Variants in PCGF3 observed in about 807,000 individuals in gnomAD.
The protein encoded by PCGF3 is polycomb group RING finger protein 3.
In PCGF3, 7 loss-of-function variants were observed where a neutral mutation model predicts 33.1. The ratio of observed to expected loss-of-function variants is 0.21; its 90% CI spans 0.12 to 0.40. The LOEUF (loss-of-function observed/expected upper bound fraction) is 0.40, where lower values mean the gene tolerates loss of function less well. Among genes scored for constraint, PCGF3 ranks in the 10% least tolerant of loss-of-function variants. The pLI, the probability that PCGF3 is intolerant of heterozygous loss-of-function variation, is 1.00. For missense variants in PCGF3, 211 were observed against 313.3 expected (o/e 0.67, Z 2.46); for synonymous variants, 153 against 121.3 (o/e 1.26, Z -1.72).
intron 1 of PCGF3, among the ~76,000 whole-genome samples, chr4:718,406 T>C (rs752138900): frequency 1.3e-4 from 20 of 152,150 alleles, no homozygotes; most frequent in Non-Finnish European, 1.8e-4. Context: ...CTGAGGCTGG[T>C]AGTGACTCTC....
At chr4:761,627 A>G (rs1165709804) in intron 9 of PCGF3, 3 of 973,604 alleles carry the variant, frequency 3.1e-6, no homozygotes, top group African/African-American at 3.5e-5. Flanking sequence ...GTGGAATGCT[A>G]CTGTGAGTGG....
intron 1 of PCGF3, among the ~76,000 whole-genome samples, chr4:719,116 G>A (rs372371166): frequency 6.6e-6 from 1 of 151,918 alleles, no homozygotes; most frequent in African/African-American, 2.4e-5. Context: ...CACCATGCCC[G>A]GCTATTTTTT....
At chr4:749,590 G>A (rs1744424104) in intron 8 of PCGF3, among the ~76,000 whole-genome samples, 1 of 143,404 alleles carries the variant, frequency 7.0e-6, no homozygotes, top group Non-Finnish European at 1.5e-5. Flanking sequence ...GGGTTCAAGC[G>A]ATTCTCCTGC....
intron 8 of PCGF3, among the ~76,000 whole-genome samples, chr4:751,950 G>C (rs1240999476): frequency 6.6e-6 from 1 of 152,266 alleles, no homozygotes; most frequent in Non-Finnish European, 1.5e-5. Flanking sequence ...CCTGGGACTG[G>C]TGGCTCCTCT....
Position 720,180 on chromosome 4 carries a change from C to T in PCGF3, c.-189-10450C>T, listed in dbSNP as rs765078875. Among the ~76,000 whole-genome samples the T allele has an allele frequency of 1.3e-5, 2 of 152,166 alleles. No individual in the cohort carries two copies. The highest frequency in any genetic ancestry group is 2.4e-5 in the African/African-American group (1 of 41,436). ...GAGGACGCCGATGTGGCCCTGCTGC[C>T]GGAGTATGCCAAGCACGAGGGGCCA... On this transcript the variant is annotated intron_variant, in intron 1 of 10. Transcript: ENST00000362003. The surrounding 1 kb of genome is among the most constrained non-coding windows in gnomAD (Gnocchi z 5.6).
At chr4:756,282 G>A (rs575693696) in intron 8 of PCGF3, among the ~76,000 whole-genome samples, 51 of 150,052 alleles carry the variant, frequency 3.4e-4, no homozygotes, top group African/African-American at 1.2e-3. Context: ...GTGCAATCTC[G>A]GCTCACTGCA....
At chr4:712,740 C>T (rs1355240819) in intron 1 of PCGF3, among the ~76,000 whole-genome samples, 2 of 152,236 alleles carry the variant, frequency 1.3e-5, no homozygotes, top group Non-Finnish European at 2.9e-5. Flanking sequence ...GCCACCGCGC[C>T]CGGCCAATAA....
Position 720,415 on chromosome 4 carries a change from C to T in PCGF3, c.-189-10215C>T, listed in dbSNP as rs904654188. Among the ~76,000 whole-genome samples the T allele has an allele frequency of 2.0e-5, 3 of 152,102 alleles. No homozygotes were observed. Among genetic ancestry groups the T allele is most frequent in the African/African-American group, 7.2e-5 (3 of 41,418 alleles). ...GAGAGCAGCAGAGTGGTTTCAGCTC[C>T]GGGAGGTGGGGCTGCCCGTCCAGAG... On this transcript the variant is annotated intron_variant, in intron 1 of 10. Coordinates refer to ENST00000362003, the Ensembl canonical transcript of PCGF3. The surrounding 1 kb of genome is among the most constrained non-coding windows in gnomAD (Gnocchi z 5.6).
At chr4:754,169 A>G (rs747806172) in intron 8 of PCGF3, among the ~76,000 whole-genome samples, 3 of 152,114 alleles carry the variant, frequency 2.0e-5, no homozygotes, top group Non-Finnish European at 4.4e-5. Context: ...AAACAGGGGA[A>G]ATGGCTCCTA....
chr4:753,237 A>G (rs1339412618), intron 8 of PCGF3, among the ~76,000 whole-genome samples: 2 of 152,236 alleles, frequency 1.3e-5, no homozygotes, highest in Non-Finnish European at 2.9e-5. Context: ...AGGCTGGAGT[A>G]TAGTGGTGCA....
At chr4:768,006 A>T (rs1745454479) in exon 11 of PCGF3, 1 of 152,712 alleles carries the variant, frequency 6.5e-6, no homozygotes, top group African/African-American at 2.4e-5. Context: ...AATTCAAATA[A>T]AATTAAATCA....
rs373858627 is a variant in PCGF3, at chr4:732,117, G to C, written c.-10+1007G>C. On this transcript the variant is annotated intron_variant, in intron 3 of 10. Transcript: ENST00000362003. The stretch of plus-strand genomic sequence containing the variant: ...GGCTCCCCTCCCCTCGTGGGTGGGC[G>C]TGGTCCTCAGGGGCGTAGGGCGGGG... 1.1e-4 allele frequency among the ~76,000 whole-genome samples: 5 copies of C among 45,986 alleles called. 1 individual carries two copies. Among genetic ancestry groups the C allele is most frequent in the South Asian group, 1.4e-3 (1 of 740 alleles). The allele number at this position is 45,986 out of a possible 152,430, so 30.2% of individuals were successfully genotyped here.
At chr4:754,468 A>G (rs1244083634) in intron 8 of PCGF3, among the ~76,000 whole-genome samples, 1 of 152,148 alleles carries the variant, frequency 6.6e-6, no homozygotes, top group Non-Finnish European at 1.5e-5. Context: ...CGGAGAGCCC[A>G]CCCATCCAGG....
Position 722,313 on chromosome 4 carries a change from T to C in PCGF3, c.-189-8317T>C, listed in dbSNP as rs188409329. The C allele has an allele frequency of 8.4e-4, 149 of 177,502 alleles. 1 individual carries two copies. In the East Asian group the frequency reaches 0.024, roughly 29 times the overall value. The allele number at this position is 177,502 out of a possible 1,614,324, so 11.0% of individuals were successfully genotyped here. A position where few individuals can be genotyped will look rare whatever the true frequency, so the allele number is the denominator to read the frequency against. Reference sequence around the variant, plus strand: ...GAAGCTACTGTGTTATCCAGACGGCTGTGTGCTGCAGGCGCGACTCAGAAC... The same window carrying C: ...GAAGCTACTGTGTTATCCAGACGGCCGTGTGCTGCAGGCGCGACTCAGAAC... On this transcript the variant is annotated intron_variant, in intron 1 of 10. Coordinates refer to ENST00000362003, the Ensembl canonical transcript of PCGF3.
chr4:748,057 A>T (rs1744342564), intron 8 of PCGF3, among the ~76,000 whole-genome samples: 1 of 152,136 alleles, frequency 6.6e-6, no homozygotes, highest in Non-Finnish European at 1.5e-5. Flanking sequence ...AAAGCCTGGC[A>T]GTGTGTTGAA....
rs536878127 is a variant in PCGF3, at chr4:712,638, G to A, written c.-190+6668G>A. Among the ~76,000 whole-genome samples the A allele has an allele frequency of 2.6e-5, 4 of 152,192 alleles. No homozygotes were observed. In the South Asian group the frequency reaches 8.3e-4, roughly 32 times the overall value. ...AGTTTTTGTATTTTTAGTAGAGATG[G>A]GGTTTTGCCATGTTGGCCAGGCTGG... On this transcript the variant is annotated intron_variant, in intron 1 of 10. Coordinates refer to ENST00000362003, the Ensembl canonical transcript of PCGF3.
At chr4:742,996 G>A (rs954519140) in intron 6 of PCGF3, among the ~76,000 whole-genome samples, 2 of 152,228 alleles carry the variant, frequency 1.3e-5, no homozygotes, top group Non-Finnish European at 2.9e-5. Flanking sequence ...CTGCCACTGC[G>A]CAGGAGCGTG....
At position 761,421 on chromosome 4, in the gene PCGF3, C is replaced by T. The variant is rs1269796040; in HGVS notation, c.600+5C>T. On this transcript the variant is annotated splice_donor_5th_base_variant and intron_variant, in intron 9 of 10. Coordinates refer to ENST00000362003, the Ensembl canonical transcript of PCGF3. ...AACCTTTCATCCTTTAACGAGGTAA[C>T]AGTTGATCCCTAAGTAGAAACCATA... 3 of 1,596,358 alleles carry T rather than the reference C, an allele frequency of 1.9e-6. No homozygotes were observed. The highest frequency in any genetic ancestry group is 1.3e-5 in the African/African-American group (1 of 74,248).
At chr4:751,062 T>C (rs1744490329) in intron 8 of PCGF3, among the ~76,000 whole-genome samples, 1 of 152,068 alleles carries the variant, frequency 6.6e-6, no homozygotes, top group Non-Finnish European at 1.5e-5. Context: ...TTTTTTCCCC[T>C]CTCCATGAGG....
Sources: allele counts gnomAD v4.1 joint callset (sites outside exome capture counted in the v4.1 genomes callset), GRCh38; gene constraint gnomAD v4.1.1; non-coding constraint Gnocchi (gnomAD v3.1); transcripts MANE v1.5; gene names NCBI Gene and HGNC (gene_info 2026-07-23, HGNC 2026-07-21).